EFCAB6: variants seen among roughly 807,000 people sequenced by gnomAD.
The protein encoded by EFCAB6 is EF-hand calcium binding domain 6, also known as EF-hand calcium-binding domain-containing protein 6.
In EFCAB6, 156 loss-of-function variants were observed where a neutral mutation model predicts 169.8. That is an observed-to-expected ratio of 0.92 (90% CI 0.81 to 1.05). EFCAB6 has a LOEUF of 1.05. Ranked by LOEUF, EFCAB6 falls within the 50% of genes least tolerant of loss-of-function variation. The pLI is 0.00. For missense variants in EFCAB6, 1,800 were observed against 1,829.1 expected (o/e 0.98, Z 0.29); for synonymous variants, 698 against 676.4 (o/e 1.03, Z -0.50).
chr22:43,737,906 C>T (rs1432633597), intron 6 of EFCAB6, among the ~76,000 whole-genome samples: 1 of 150,416 alleles, frequency 6.6e-6, no homozygotes, highest in African/African-American at 2.5e-5. Context: ...CTCACATATA[C>T]ATATCACACA....
intron 27 of EFCAB6, among the ~76,000 whole-genome samples, chr22:43,551,324 T>C (rs1282468128): frequency 6.6e-6 from 1 of 152,204 alleles, no homozygotes; most frequent in Non-Finnish European, 1.5e-5. Context: ...TTGCCCCAAG[T>C]ATAGCACAAT....
At chr22:43,588,950 C>A (rs965478568) in intron 24 of EFCAB6, among the ~76,000 whole-genome samples, 1 of 151,918 alleles carries the variant, frequency 6.6e-6, no homozygotes, top group Non-Finnish European at 1.5e-5. Context: ...ATGTGGCATG[C>A]GGAGGTAAGT....
At chr22:43,666,978 G>T in intron 17 of EFCAB6, 126 bp downstream of exon 17, 5 of 1,194,736 alleles carry the variant, frequency 4.2e-6, no homozygotes, top group Non-Finnish European at 5.6e-6. Context: ...CTTTTAAATT[G>T]TTGAAAGATG....
chr22:43,811,482 A>AGT (rs1335663887), intron 1 of EFCAB6, among the ~76,000 whole-genome samples: 2 of 152,180 alleles, frequency 1.3e-5, no homozygotes, highest in Non-Finnish European at 2.9e-5. Flanking sequence ...GAGAGAAAGG[A>AGT]AGGGAGTAGA....
intron 6 of EFCAB6, among the ~76,000 whole-genome samples, chr22:43,753,573 G>A (rs2060847915): frequency 6.6e-6 from 1 of 152,194 alleles, no homozygotes; most frequent in South Asian, 2.1e-4. Flanking sequence ...TTGACTTATA[G>A]AGACAATGAG....
At chr22:43,576,962 G>A (rs904648621) in intron 25 of EFCAB6, among the ~76,000 whole-genome samples, 1 of 152,188 alleles carries the variant, frequency 6.6e-6, no homozygotes, top group Non-Finnish European at 1.5e-5. Context: ...CAAGACAGGA[G>A]TCTGACTTTG....
chr22:43,735,919 C>A lies in EFCAB6; in HGVS notation c.582G>T (p.Pro194=). The A allele has an allele frequency of 1.2e-6, 2 of 1,614,110 alleles. No homozygotes were observed. The highest frequency in any genetic ancestry group is 1.7e-6 in the Non-Finnish European group (2 of 1,180,022). Residue 194 remains proline, a synonymous_variant, in exon 7 of 32, where the codon CCG becomes CCT. Coordinates refer to ENST00000262726, the MANE Select transcript of EFCAB6 (RefSeq NM_022785.4). ...TCTCCAGAACCCTTCTTAGCTCCTG[C>A]GGTCGAACCAGTCCAGTCTTGTTAA... ...IDVNKTGLVR[P]QELRRVLETF...
rs1448238631 is a variant in EFCAB6, at chr22:43,618,096, CATCTCAAAAAAAAA to C, written c.2466-2188_2466-2175del. Among the ~76,000 whole-genome samples the C allele has an allele frequency of 7.9e-5, 10 of 126,376 alleles. 1 individual carries two copies. Among genetic ancestry groups the C allele is most frequent in the South Asian group, 5.7e-4 (2 of 3,516 alleles). 82.9% of individuals were successfully genotyped at this position (126,376 alleles called of 152,430 possible). A position where few individuals can be genotyped will look rare whatever the true frequency, so the allele number is the denominator to read the frequency against. ...CAGCCTGGGTGACAGAGTGAGACTC[CATCTCAAAAAAAAA>C]ATCTCAAAAAAAAAAAAGAAAGAGA... On this transcript the variant is annotated intron_variant, in intron 20 of 31. Coordinates refer to ENST00000262726, the MANE Select transcript of EFCAB6 (RefSeq NM_022785.4).
chr22:43,591,838 A>G (rs1470813202), intron 23 of EFCAB6, among the ~76,000 whole-genome samples: 1 of 152,210 alleles, frequency 6.6e-6, no homozygotes, highest in Non-Finnish European at 1.5e-5. Context: ...AAGGAACTCA[A>G]AAAGTGTAGA....
chr22:43,611,900 C>T (rs2053334096), intron 21 of EFCAB6, among the ~76,000 whole-genome samples: 2 of 152,180 alleles, frequency 1.3e-5, no homozygotes, highest in African/African-American at 2.4e-5. Context: ...ATCAAGTTAC[C>T]CAATTAAAGT....
chr22:43,737,038 T>C (rs747632004), intron 6 of EFCAB6, among the ~76,000 whole-genome samples: 1 of 151,970 alleles, frequency 6.6e-6, no homozygotes, highest in Non-Finnish European at 1.5e-5. Flanking sequence ...CCTTCGCTGC[T>C]TGGCATATAT....
At position 43,795,393 on chromosome 22, in the gene EFCAB6, G is replaced by C. The variant is rs1046348629; in HGVS notation, c.-7-13068C>G. ...TTATGTTAAATGTTCTTTAATAACC[G>C]TGTCATGGCATGTTCTAGACATCAT... On this transcript the variant is annotated intron_variant, in intron 2 of 31. Coordinates refer to ENST00000262726, the MANE Select transcript of EFCAB6 (RefSeq NM_022785.4). This position sits in a 1 kb window ranked among gnomAD's most constrained non-coding sequence, Gnocchi z 4.2. Among the ~76,000 whole-genome samples the C allele has an allele frequency of 7.2e-5, 11 of 152,104 alleles. No individual in the cohort carries two copies. Among genetic ancestry groups the C allele is most frequent in the African/African-American group, 2.4e-4 (10 of 41,408 alleles).
At chr22:43,577,865 A>C (rs979626991) in intron 25 of EFCAB6, among the ~76,000 whole-genome samples, 1 of 150,600 alleles carries the variant, frequency 6.6e-6, no homozygotes, top group Non-Finnish European at 1.5e-5. Context: ...CACCAAGGAA[A>C]TTGGGATGTG....
chr22:43,614,147 C>A (rs1233693655), intron 21 of EFCAB6, among the ~76,000 whole-genome samples: 2 of 82,214 alleles, frequency 2.4e-5, no homozygotes, highest in East Asian at 4.0e-4. Context: ...ATTCTAGATG[C>A]AAAGACTCAG....
chr22:43,590,710 G>GT (rs1163426433), intron 23 of EFCAB6, among the ~76,000 whole-genome samples: 1 of 147,298 alleles, frequency 6.8e-6, no homozygotes, highest in Non-Finnish European at 1.5e-5. Context: ...GAAGACAGAG[G>GT]TACAGCACGG....
chr22:43,579,044 A>C (rs1222155079), intron 25 of EFCAB6, among the ~76,000 whole-genome samples: 5 of 149,018 alleles, frequency 3.4e-5, no homozygotes, highest in African/African-American at 1.3e-4. Flanking sequence ...CATTCCCTAC[A>C]CGCAGGCATC....
chr22:43,748,375 G>A (rs1312603869), intron 6 of EFCAB6, among the ~76,000 whole-genome samples: 1 of 152,074 alleles, frequency 6.6e-6, no homozygotes, highest in Non-Finnish European at 1.5e-5. Flanking sequence ...ATAGCCGCAG[G>A]GCTTGTCTCC....
chr22:43,683,817 A>G lies in EFCAB6; in HGVS notation c.1181T>C (p.Ile394Thr), dbSNP rs879148385. 1 of 1,613,590 alleles carries G rather than the reference A, an allele frequency of 6.2e-7. No individual in the cohort carries two copies. The highest frequency in any genetic ancestry group is 1.1e-5 in the South Asian group (1 of 91,076). Residue 394 changes from isoleucine (I) to threonine (T), a missense_variant, in exon 12 of 32, where the codon ATC becomes ACC. Transcript: ENST00000262726. ...TTCAGTGTGTCTAAATAACTTTGTG[A>G]TGATGTTTTCCTTGTGAGATTCATT... is the stretch of plus-strand genomic sequence containing the variant. ...SRNESHKENIITKLFRHTEDH... is the reference protein window; with the variant it reads ...SRNESHKENITTKLFRHTEDH...
rs531183860 is a variant in EFCAB6 at position 43,667,904 on chromosome 22, T to G, written c.1815-632A>C. Among the ~76,000 whole-genome samples, 309 of 152,286 alleles carry G rather than the reference T, an allele frequency of 2.0e-3. 1 individual carries two copies. Among genetic ancestry groups the G allele is most frequent in the African/African-American group, 7.1e-3 (294 of 41,562 alleles). On this transcript the variant is annotated intron_variant, in intron 16 of 31. Coordinates refer to ENST00000262726, the MANE Select transcript of EFCAB6 (RefSeq NM_022785.4). The stretch of plus-strand genomic sequence containing the variant: ...CTCTGGAAGTCTCTTGCGCCCCATA[T>G]TTTTGGGGAAAAAACAGCCCTGAGA...
Sources: gnomAD v4.1 joint callset for allele counts (sites outside exome capture counted in the v4.1 genomes callset) on GRCh38, gnomAD v4.1.1 for gene constraint, Gnocchi (gnomAD v3.1) non-coding constraint, MANE v1.5 for transcripts, NCBI Gene and HGNC (gene_info 2026-07-23, HGNC 2026-07-21) for gene names.